The following IFI16 variants were observed in gnomAD, a reference collection of about 807,000 sequenced individuals.
IFI16 encodes gamma-interferon-inducible protein 16.
Under a neutral mutation model 68.4 loss-of-function variants are expected in IFI16, and 49 were observed. That is an observed-to-expected ratio of 0.72 (90% CI 0.57 to 0.91). The LOEUF is 0.91. IFI16 is among the 40% of genes least tolerant of loss of function. The pLI is 0.00. For missense variants in IFI16, 878 were observed against 942.9 expected (o/e 0.93, Z 0.90); for synonymous variants, 307 against 315.0 (o/e 0.97, Z 0.27).
At chr1:159,049,112 ATGC>A (rs1655183999) in intron 8 of IFI16, among the ~76,000 whole-genome samples, 2 of 149,976 alleles carry the variant, frequency 1.3e-5, no homozygotes, top group South Asian at 4.2e-4. Context: ...ATTGCAAGCC[ATGC>A]TGCCCCCAAA....
At chr1:159,001,086 A>T (rs1652042433), upstream of IFI16, among the ~76,000 whole-genome samples, 1 of 152,208 alleles carries the variant, frequency 6.6e-6, no homozygotes. Context: ...ATTAAACATA[A>T]TACTTCCAAA....
chr1:159,023,087 A>C (rs1296275464), intron 6 of IFI16, among the ~76,000 whole-genome samples: 2 of 152,136 alleles, frequency 1.3e-5, no homozygotes, highest in Non-Finnish European at 2.9e-5. Flanking sequence ...ACCAATAACA[A>C]GAGCAAACGA....
upstream of IFI16, among the ~76,000 whole-genome samples, chr1:159,007,484 A>T (rs1471677258): frequency 6.6e-6 from 1 of 152,208 alleles, no homozygotes; most frequent in Non-Finnish European, 1.5e-5. Flanking sequence ...GGAATAAGGT[A>T]GATCTGGTTT....
intron 6 of IFI16, among the ~76,000 whole-genome samples, chr1:159,027,355 T>C (rs1653732781): frequency 1.3e-5 from 2 of 152,214 alleles, no homozygotes; most frequent in African/African-American, 4.8e-5. Context: ...TGTTAAACCA[T>C]CCCTGCGTCC....
chr1:159,039,230 A>G (rs1451492308), intron 7 of IFI16, among the ~76,000 whole-genome samples: 1 of 152,202 alleles, frequency 6.6e-6, no homozygotes, highest in African/African-American at 2.4e-5. Context: ...AGGAGTTAGG[A>G]TATCTAAATT....
intron 5 of IFI16, among the ~76,000 whole-genome samples, chr1:159,018,889 A>G (rs2101825151): frequency 6.6e-6 from 1 of 152,322 alleles, no homozygotes; most frequent in Middle Eastern, 3.4e-3. Flanking sequence ...AATAATGTTC[A>G]CTGAGAAACC....
upstream of IFI16, among the ~76,000 whole-genome samples, chr1:159,001,701 T>A (rs1281222998): frequency 6.6e-6 from 1 of 152,186 alleles, no homozygotes; most frequent in Admixed American, 6.5e-5. Context: ...GCAACCCTCC[T>A]ACAACCCTAT....
intron 7 of IFI16, among the ~76,000 whole-genome samples, chr1:159,036,930 G>A (rs1327655654): frequency 1.3e-5 from 2 of 152,070 alleles, no homozygotes; most frequent in Non-Finnish European, 2.9e-5. Flanking sequence ...ATGTTGTTTT[G>A]TTGTTGTTAT....
chr1:159,020,314 G>A (rs201585262), intron 5 of IFI16, 27 bp from the exon 6 acceptor site: 299 of 1,527,736 alleles, frequency 2.0e-4, no homozygotes, highest in Non-Finnish European at 2.5e-4. Flanking sequence ...ACATTCTCAG[G>A]AACAGAATAT....
At chr1:159,030,165 C>CTTT (rs1653917536) in intron 6 of IFI16, among the ~76,000 whole-genome samples, 1 of 82,464 alleles carries the variant, frequency 1.2e-5, no homozygotes. Context: ...TTTTTTTATG[C>CTTT]TCTCTATTTT....
intron 9 of IFI16, among the ~76,000 whole-genome samples, chr1:159,050,846 A>G (rs1655313195): frequency 6.6e-6 from 1 of 152,036 alleles, no homozygotes; most frequent in Admixed American, 6.6e-5. Flanking sequence ...GCCCCTTCAG[A>G]TTAGGAAAGT....
At chr1:159,030,881 G>GGGT (rs1553209158) in intron 6 of IFI16, among the ~76,000 whole-genome samples, 2 of 147,182 alleles carry the variant, frequency 1.4e-5, no homozygotes, top group African/African-American at 5.1e-5. Flanking sequence ...GTGGGTGGGG[G>GGGT]GGCCACAGAG....
chr1:159,030,389 G>A (rs895077771), intron 6 of IFI16, among the ~76,000 whole-genome samples: 9 of 152,098 alleles, frequency 5.9e-5, no homozygotes, highest in Admixed American at 5.2e-4. Context: ...CATATTACCA[G>A]GATTGTTTTT....
intron 5 of IFI16, among the ~76,000 whole-genome samples, chr1:159,019,903 G>A (rs564461567): frequency 1.7e-3 from 259 of 152,340 alleles, no homozygotes; most frequent in Admixed American, 3.6e-3. Context: ...AATGCAGAAA[G>A]TAGAAAAAGT....
upstream of IFI16, among the ~76,000 whole-genome samples, chr1:159,001,717 G>A (rs1319041823): frequency 1.3e-5 from 2 of 151,946 alleles, no homozygotes; most frequent in Admixed American, 6.6e-5. Context: ...CCTATTACGT[G>A]CTAACATTCA....
At chr1:159,032,984 C>T (rs1307410799) in intron 7 of IFI16, among the ~76,000 whole-genome samples, 3 of 151,746 alleles carry the variant, frequency 2.0e-5, no homozygotes, top group Admixed American at 6.6e-5. Context: ...CAAGCAGAGA[C>T]GAAAACAAGA....
rs1287469174 is a variant in IFI16, at chr1:159,026,294, C to A, written c.1161+5765C>A. Among the ~76,000 whole-genome samples, 46 of 104,968 alleles carry A rather than the reference C, an allele frequency of 4.4e-4. 1 individual carries two copies. Among genetic ancestry groups the A allele is most frequent in the Middle Eastern group, 0.014 (2 of 146 alleles). The allele number at this position is 104,968 out of a possible 152,430, so 68.9% of individuals were successfully genotyped here. On this transcript the variant is annotated intron_variant, in intron 6 of 11. Transcript: ENST00000295809. ...GGCAGTATGGTCATTTTCTTTATTT[C>A]TTTCTTTTTTTTTTTTTTTTGAGAC...
chr1:159,031,185 C>T (rs1018581358), intron 6 of IFI16, among the ~76,000 whole-genome samples: 1 of 152,008 alleles, frequency 6.6e-6, no homozygotes, highest in African/African-American at 2.4e-5. Context: ...CCCACCATCA[C>T]CCACCAACAA....
intron 6 of IFI16, among the ~76,000 whole-genome samples, chr1:159,032,124 G>T (rs564235331): frequency 6.6e-6 from 1 of 152,258 alleles, no homozygotes; most frequent in East Asian, 1.9e-4. Flanking sequence ...AGATTTCTAG[G>T]GAGAGAAAAT....
Sources: gnomAD v4.1 joint callset for allele counts (sites outside exome capture counted in the v4.1 genomes callset) on GRCh38, gnomAD v4.1.1 for gene constraint, MANE v1.5 for transcripts, NCBI Gene and HGNC (gene_info 2026-07-23, HGNC 2026-07-21) for gene names.